Variants in TDRD10 observed in about 807,000 individuals in gnomAD.
The protein encoded by TDRD10 is tudor domain containing 10, also known as tudor domain-containing protein 10.
In TDRD10, 40 loss-of-function variants were observed where a neutral mutation model predicts 48.0. The observed-to-expected ratio is 0.83, with a 90% confidence interval of 0.65 to 1.09. TDRD10 has a LOEUF of 1.09. Among genes scored for constraint, TDRD10 ranks in the 50% least tolerant of loss-of-function variants. TDRD10 has a pLI of 0.00. For missense variants in TDRD10, 378 were observed against 434.7 expected (o/e 0.87, Z 1.16); for synonymous variants, 162 against 170.4 (o/e 0.95, Z 0.38).
chr1:154,544,810 C>A lies in TDRD10; in HGVS notation c.813C>A (p.Asp271Glu). ...CCTCTGCCAGGTGTTGGGTGCTGGA[C>A]AGGGTGGACACCTGGGCTGTGGTCA... ...GHAWNRCWVLDRVDTWAVVMF... is the reference protein window; with the variant it reads ...GHAWNRCWVLERVDTWAVVMF... Residue 271 changes from aspartate to glutamate, a missense_variant, in exon 11 of 13, where the codon GAC becomes GAA. By Grantham distance (45) the Asp-to-Glu change is conservative. Around this residue, in one of 2 missense-constraint regions of TDRD10, gnomAD observed 68 missense variants for 111.1 expected, o/e 0.61. Transcript: ENST00000368482. 6.2e-7 allele frequency: 1 copy of A among 1,614,108 alleles called. No homozygotes were observed. Among genetic ancestry groups the A allele is most frequent in the South Asian group, 1.1e-5 (1 of 91,084 alleles).
rs1314206861 is a variant in TDRD10 at position 154,544,482 on chromosome 1, G to C, written c.762G>C (p.Glu254Asp). ...TVMRGTRCLA[E>D]YHLGDYGHAW... ...TGCGCGGGACTCGCTGTCTGGCAGA[G>C]TACCACCTGGGGGATTATGGACACG... Residue 254 changes from glutamate (E) to aspartate (D), a missense_variant, in exon 10 of 13, where the codon GAG becomes GAC. Coordinates refer to ENST00000368482, the MANE Select transcript of TDRD10 (RefSeq NM_182499.4). 1 of 1,613,710 alleles carries C rather than the reference G, an allele frequency of 6.2e-7. No individual in the cohort carries two copies. Among genetic ancestry groups the C allele is most frequent in the Non-Finnish European group, 8.5e-7 (1 of 1,179,990 alleles).
chr1:154,547,527 CT>C, intron 12 of TDRD10, 48 bp downstream of exon 12: 2 of 1,614,242 alleles, frequency 1.2e-6, no homozygotes, highest in Non-Finnish European at 1.7e-6. Context: ...CACTCCTGCC[CT>C]TGGGGTGTCT....
At chr1:154,542,572 C>T (rs1443437696) in intron 7 of TDRD10, among the ~76,000 whole-genome samples, 159 bp from the exon 8 acceptor site, 2 of 152,174 alleles carry the variant, frequency 1.3e-5, no homozygotes, top group African/African-American at 2.4e-5. Flanking sequence ...ACCCTTCCCG[C>T]CCAGATGAGA....
chr1:154,518,621 G>C (rs899334459), intron 4 of TDRD10, among the ~76,000 whole-genome samples: 3 of 152,100 alleles, frequency 2.0e-5, no homozygotes, highest in Non-Finnish European at 4.4e-5. Context: ...AGTAGAGACG[G>C]GGTTTCACCG....
At chr1:154,538,993 T>G (rs1027107211) in intron 6 of TDRD10, among the ~76,000 whole-genome samples, 4 of 152,198 alleles carry the variant, frequency 2.6e-5, no homozygotes, top group Non-Finnish European at 4.4e-5. Flanking sequence ...CCGTATGAAC[T>G]CATTTAATTA....
intron 4 of TDRD10, among the ~76,000 whole-genome samples, chr1:154,511,439 G>C (rs1693469387): frequency 6.6e-6 from 1 of 151,842 alleles, no homozygotes; most frequent in Non-Finnish European, 1.5e-5. Context: ...TTTGAGACCA[G>C]CCTGGTCAAC....
At chr1:154,503,637 A>G (rs1250238626) in intron 1 of TDRD10, among the ~76,000 whole-genome samples, 1 of 152,214 alleles carries the variant, frequency 6.6e-6, no homozygotes, top group African/African-American at 2.4e-5. Context: ...GGTTTAAAAA[A>G]AGAAATTTAA....
intron 6 of TDRD10, among the ~76,000 whole-genome samples, chr1:154,533,877 A>G (rs1208835230): frequency 1.3e-5 from 1 of 75,848 alleles, no homozygotes; most frequent in African/African-American, 4.3e-5. Context: ...GCCCAGCCAT[A>G]TATATATATA....
intron 1 of TDRD10, among the ~76,000 whole-genome samples, chr1:154,506,534 C>A (rs1693164626): frequency 6.6e-6 from 1 of 152,150 alleles, no homozygotes; most frequent in Non-Finnish European, 1.5e-5. Flanking sequence ...TGTCACCACA[C>A]CCAGCTAATT....
chr1:154,508,882 C>A (rs992742101), intron 4 of TDRD10, among the ~76,000 whole-genome samples: 1 of 152,176 alleles, frequency 6.6e-6, no homozygotes, highest in Non-Finnish European at 1.5e-5. Context: ...TGAGCTGGTT[C>A]AGTCAGTGCT....
rs896065326 is a variant in TDRD10 at position 154,541,963 on chromosome 1, A to G, written c.370-61A>G. The G allele has an allele frequency of 4.5e-6, 7 of 1,559,854 alleles. No individual in the cohort carries two copies. The African/African-American group carries it at 5.4e-5, about 12-fold the overall frequency. ...CCCAGTCTACCTGGAGTGATTCAAC[A>G]TAGAAATCAATAAAACAAATGCCAC... On this transcript the variant is annotated intron_variant, in intron 6 of 12. Coordinates refer to ENST00000368482, the MANE Select transcript of TDRD10 (RefSeq NM_182499.4).
rs199789514 is a variant in TDRD10, at chr1:154,544,749, A to G, written c.798-46A>G. The G allele has an allele frequency of 7.5e-6, 12 of 1,602,180 alleles. No individual in the cohort carries two copies. In the East Asian group the frequency reaches 2.5e-4, roughly 33 times the overall value. On this transcript the variant is annotated intron_variant, in intron 10 of 12. Coordinates refer to ENST00000368482, the MANE Select transcript of TDRD10 (RefSeq NM_182499.4). ...TTTGTTGAGGACTGCTGTGCATGGC[A>G]CTAGGCGGAATGATTGTCCTCTGTC...
Position 154,544,963 on chromosome 1 carries a change from T to C in TDRD10, c.952+14T>C. The C allele has an allele frequency of 6.2e-7, 1 of 1,613,294 alleles. No individual in the cohort carries two copies. Among genetic ancestry groups the C allele is most frequent in the Non-Finnish European group, 8.5e-7 (1 of 1,179,654 alleles). ...TGCTGGAGAAAGGTGAGACATCTTC[T>C]ATCTTCCTCCCAAGGGTTTCAGGGA... On this transcript the variant is annotated intron_variant, in intron 11 of 12. Transcript: ENST00000368482.
rs537094634 is a variant in TDRD10, at chr1:154,511,919, C to G, written c.141+3438C>G. 5.3e-5 allele frequency among the ~76,000 whole-genome samples: 8 copies of G among 152,006 alleles called. 1 individual carries two copies. The Middle Eastern group carries it at 0.014, about 259-fold the overall frequency. On this transcript the variant is annotated intron_variant, in intron 4 of 12. Coordinates refer to ENST00000368482, the MANE Select transcript of TDRD10 (RefSeq NM_182499.4). Reference sequence around the variant, plus strand: ...TGGCACACACCTGTAATCCTAGCTACTCAGGAGGCTGAGGCACAAGAATCA... The same window carrying G: ...TGGCACACACCTGTAATCCTAGCTAGTCAGGAGGCTGAGGCACAAGAATCA...
intron 1 of TDRD10, among the ~76,000 whole-genome samples, chr1:154,503,793 G>A (rs183654923): frequency 6.6e-6 from 1 of 152,278 alleles, no homozygotes; most frequent in East Asian, 1.9e-4. Flanking sequence ...TTTGTGAGGT[G>A]GGAAAGCTAA....
At position 154,506,918 on chromosome 1, in the gene TDRD10, C is replaced by G; in HGVS notation, c.2+13C>G. On this transcript the variant is annotated intron_variant, in intron 2 of 12. Transcript: ENST00000368482. ...GCAACTGCAGCATGTAAGTCCCTTC[C>G]TTTTGCTGATGAGCAAGCCTCGCTC... 6.2e-7 allele frequency: 1 copy of G among 1,614,234 alleles called. No homozygotes were observed.
Position 154,511,791 on chromosome 1 carries a change from T to C in TDRD10, c.141+3310T>C, listed in dbSNP as rs1693491596. ...TCAACCCGGGAGCTGGAGGTTGCAA[T>C]GAGCCGAGATTGCGCCATTGGACTC... is the stretch of plus-strand genomic sequence containing the variant. On this transcript the variant is annotated intron_variant, in intron 4 of 12. Coordinates refer to ENST00000368482, the MANE Select transcript of TDRD10 (RefSeq NM_182499.4). Among the ~76,000 whole-genome samples the C allele has an allele frequency of 3.3e-5, 5 of 152,128 alleles. No individual in the cohort carries two copies. The South Asian group carries it at 1.0e-3, about 32-fold the overall frequency.
intron 11 of TDRD10, among the ~76,000 whole-genome samples, chr1:154,545,616 C>T (rs1695505430): frequency 6.6e-6 from 1 of 151,948 alleles, no homozygotes; most frequent in South Asian, 2.1e-4. Flanking sequence ...ACTCTGTTGC[C>T]CATGCTGGAG....
At chr1:154,547,207 C>T (rs1450635467) in intron 11 of TDRD10, among the ~76,000 whole-genome samples, 1 of 152,090 alleles carries the variant, frequency 6.6e-6, no homozygotes, top group Non-Finnish European at 1.5e-5. Context: ...TTTTGCCCTC[C>T]CCCTATGCTA....
Sources: gnomAD v4.1 joint callset for allele counts (sites outside exome capture counted in the v4.1 genomes callset) on GRCh38, gnomAD v4.1.1 for gene constraint, gnomAD v4.1.1 regional missense constraint, MANE v1.5 for transcripts, NCBI Gene and HGNC (gene_info 2026-07-23, HGNC 2026-07-21) for gene names.